The following BATF2 variants were observed in gnomAD, a reference collection of about 807,000 sequenced individuals.
BATF2 encodes the protein basic leucine zipper transcriptional factor ATF-like 2.
Under a neutral mutation model 7.3 loss-of-function variants are expected in BATF2, and 4 were observed. The observed-to-expected ratio is 0.55, with a 90% confidence interval of 0.27 to 1.26. BATF2 has a LOEUF of 1.26. BATF2 is among the 50% of genes most tolerant of loss of function. BATF2 has a pLI of 0.11. For missense variants in BATF2, 295 were observed against 340.5 expected (o/e 0.87, Z 1.05); for synonymous variants, 152 against 153.9 (o/e 0.99, Z 0.09).
chr11:64,996,046 C>A (rs1946107486), intron 1 of BATF2, among the ~76,000 whole-genome samples: 1 of 152,124 alleles, frequency 6.6e-6, no homozygotes, highest in Admixed American at 6.6e-5. Flanking sequence ...CGACCTCCGC[C>A]TCCCAGGTTC....
chr11:64,990,739 AAAG>A (rs1946069212), intron 2 of BATF2: 3 of 626,734 alleles, frequency 4.8e-6, no homozygotes, highest in Non-Finnish European at 6.0e-6. Flanking sequence ...GGACACTTTG[AAAG>A]AAGAAGTTGC....
Position 64,989,381 on chromosome 11 carries a change from C to T in BATF2, c.573G>A (p.Lys191=), listed in dbSNP as rs765650570. ...TGSSLQGSSS[K]LSALQPSLTA... is the part of the protein sequence containing the mutation. Reference sequence around the variant, plus strand: ...TGAGGCTGGGCTGGAGGGCACTGAGCTTAGAGGAAGACCCCTGCAGGCTGG... The same window carrying T: ...TGAGGCTGGGCTGGAGGGCACTGAGTTTAGAGGAAGACCCCTGCAGGCTGG... Residue 191 remains lysine (K), a synonymous_variant, in exon 3 of 3, where the codon AAG becomes AAA. Transcript: ENST00000301887. This position sits in a 1 kb window ranked among gnomAD's most constrained non-coding sequence, Gnocchi z 4.3. The T allele has an allele frequency of 3.8e-6, 6 of 1,578,452 alleles. No homozygotes were observed. Among genetic ancestry groups the T allele is most frequent in the Non-Finnish European group, 5.2e-6 (6 of 1,161,534 alleles).
intron 1 of BATF2, among the ~76,000 whole-genome samples, chr11:64,995,981 A>C (rs1590722119): frequency 6.7e-6 from 1 of 150,278 alleles, no homozygotes; most frequent in South Asian, 2.1e-4. Context: ...TATTTTATTG[A>C]GACAGAGTCT....
In BATF2 at chr11:64,989,952, C is replaced by G; in HGVS notation, c.142-140G>C. The G allele has an allele frequency of 6.9e-7, 1 of 1,446,434 alleles. No homozygotes were observed. Among genetic ancestry groups the G allele is most frequent in the Admixed American group, 2.0e-5 (1 of 50,244 alleles). The allele number at this position is 1,446,434 out of a possible 1,614,324, so 89.6% of individuals were successfully genotyped here. ...GAATAGCCAAGTGGGGTCTCTTGGC[C>G]ACTCTCTGGCCAGCCCTTCATAACC... On this transcript the variant is annotated intron_variant, in intron 2 of 2. Coordinates refer to ENST00000301887, the MANE Select transcript of BATF2 (RefSeq NM_138456.4). This position sits in a 1 kb window ranked among gnomAD's most constrained non-coding sequence, Gnocchi z 4.3.
intron 2 of BATF2, 79 bp downstream of exon 2, chr11:64,994,369 C>G: frequency 1.4e-6 from 2 of 1,397,914 alleles, no homozygotes; most frequent in Non-Finnish European, 2.0e-6. Flanking sequence ...GAGGTCTGCT[C>G]AAAGGTGGGA....
intron 2 of BATF2, 28 bp downstream of exon 2, chr11:64,994,420 A>C: frequency 6.4e-7 from 1 of 1,553,192 alleles, no homozygotes; most frequent in Non-Finnish European, 8.7e-7. Context: ...AGCCAGAGAC[A>C]AGGAAAGGGG....
At chr11:64,995,468 T>C (rs1946103715) in intron 1 of BATF2, among the ~76,000 whole-genome samples, 2 of 152,228 alleles carry the variant, frequency 1.3e-5, no homozygotes, top group South Asian at 4.1e-4. Context: ...GCAAACAAAA[T>C]ACACACAAAT....
chr11:64,989,641 C>T lies in BATF2; in HGVS notation c.313G>A (p.Gly105Arg). The change falls in exon 3 of 3, where the codon GGG (glycine) becomes AGG (arginine). Residue 105 changes from glycine to arginine, a missense_variant. By Grantham distance (125) the Gly-to-Arg change is moderately radical (BLOSUM62 -2). Transcript: ENST00000301887. The surrounding 1 kb of genome is among the most constrained non-coding windows in gnomAD (Gnocchi z 4.3). ...GLLGCWDQAE[G>R]LLGPGPQGQH... ...CCCTGTGGGCCAGGGCCCAGGAGCC[C>T]CTCAGCCTGGTCCCAGCAGCCCAGG... 1 of 1,612,790 alleles carries T rather than the reference C, an allele frequency of 6.2e-7. No homozygotes were observed. The highest frequency in any genetic ancestry group is 8.5e-7 in the Non-Finnish European group (1 of 1,179,586).
rs895210114 is a variant in BATF2, at chr11:64,989,944, C to T, written c.142-132G>A. The T allele has an allele frequency of 2.8e-6, 4 of 1,432,884 alleles. No individual in the cohort carries two copies. Among genetic ancestry groups the T allele is most frequent in the Non-Finnish European group, 3.8e-6 (4 of 1,043,490 alleles). The allele number at this position is 1,432,884 out of a possible 1,614,324, so 88.8% of individuals were successfully genotyped here. A position where few individuals can be genotyped will look rare whatever the true frequency, so the allele number is the denominator to read the frequency against. On this transcript the variant is annotated intron_variant, in intron 2 of 2. Coordinates refer to ENST00000301887, the MANE Select transcript of BATF2 (RefSeq NM_138456.4). This position sits in a 1 kb window ranked among gnomAD's most constrained non-coding sequence, Gnocchi z 4.3. ...CACCATTGGAATAGCCAAGTGGGGT[C>T]TCTTGGCCACTCTCTGGCCAGCCCT...
intron 2 of BATF2, chr11:64,990,051 C>A: frequency 6.5e-7 from 1 of 1,537,198 alleles, no homozygotes; most frequent in Non-Finnish European, 8.7e-7. Flanking sequence ...CCACTAGTGC[C>A]CTGAGCCGGT....
chr11:64,994,882 G>A (rs1249535007), intron 1 of BATF2, among the ~76,000 whole-genome samples: 1 of 152,002 alleles, frequency 6.6e-6, no homozygotes, highest in African/African-American at 2.4e-5. Flanking sequence ...GTCTCACTCT[G>A]TTGCCCAGGC....
At chr11:64,992,725 A>G (rs1946086212) in intron 2 of BATF2, among the ~76,000 whole-genome samples, 1 of 151,654 alleles carries the variant, frequency 6.6e-6, no homozygotes, top group African/African-American at 2.4e-5. Context: ...GCCAAGTGTG[A>G]TGGTGCATGC....
At chr11:64,992,308 C>T (rs115417220) in intron 2 of BATF2, among the ~76,000 whole-genome samples, 3,955 of 151,870 alleles carry the variant, frequency 0.026, 166 homozygotes, top group African/African-American at 0.09. Flanking sequence ...AACAAGTAAT[C>T]CACCCACCTC....
chr11:64,989,407 A>G lies in BATF2; in HGVS notation c.547T>C (p.Ser183Pro), dbSNP rs751729818. ...TTAGAGGAAGACCCCTGCAGGCTGGAACCAGTGTGCGAGGCAAACAGGAGA... is the reference window on the plus strand; with the variant it reads ...TTAGAGGAAGACCCCTGCAGGCTGGGACCAGTGTGCGAGGCAAACAGGAGA... ...SPLLFASHTG[S>P]SLQGSSSKLS... Residue 183 changes from serine to proline, a missense_variant, in exon 3 of 3, where the codon TCC becomes CCC. Ser to Pro is a moderately conservative substitution (Grantham distance 74, BLOSUM62 -1). Coordinates refer to ENST00000301887, the MANE Select transcript of BATF2 (RefSeq NM_138456.4). This position sits in a 1 kb window ranked among gnomAD's most constrained non-coding sequence, Gnocchi z 4.3. 8.2e-6 allele frequency: 13 copies of G among 1,593,336 alleles called. No homozygotes were observed. The South Asian group carries it at 1.5e-4, about 18-fold the overall frequency.
At chr11:64,994,659 G>A (rs1946098548) in intron 1 of BATF2, 110 bp from the exon 2 acceptor site, 1 of 1,061,150 alleles carries the variant, frequency 9.4e-7, no homozygotes, top group African/African-American at 1.6e-5. Flanking sequence ...AGTTCCCAAG[G>A]GTCTTTTATC....
rs538195989 is a variant in BATF2 at position 64,988,945 on chromosome 11, T to C, written c.*184A>G. On this transcript the variant is annotated 3_prime_UTR_variant, in exon 3 of 3. Transcript: ENST00000301887. ...GGTCAACTGTGAGGTTGAAATAAGA[T>C]ATTGGTGGTGACAGGGCCTGTCACA... The C allele has an allele frequency of 3.3e-6, 2 of 611,864 alleles. No individual in the cohort carries two copies. Among genetic ancestry groups the C allele is most frequent in the South Asian group, 2.0e-5 (1 of 49,082 alleles). 37.9% of individuals were successfully genotyped at this position (611,864 alleles called of 1,614,324 possible). A position where few individuals can be genotyped will look rare whatever the true frequency, so the allele number is the denominator to read the frequency against.
At position 64,996,943 on chromosome 11, in the gene BATF2, T is replaced by A; in HGVS notation, c.-29A>T. The A allele has an allele frequency of 1.3e-6, 2 of 1,563,680 alleles. No individual in the cohort carries two copies. Among genetic ancestry groups the A allele is most frequent in the Admixed American group, 1.8e-5 (1 of 54,400 alleles). On this transcript the variant is annotated 5_prime_UTR_variant, in exon 1 of 3. Transcript: ENST00000301887. ...TTAGGCGGGGGAGCAGAGTGGTCCC[T>A]CAGCAGCTGTGACTTCCCAGTGCCC...
rs1025285408 is a variant in BATF2, at chr11:64,989,936, A to G, written c.142-124T>C. On this transcript the variant is annotated intron_variant, in intron 2 of 2. Coordinates refer to ENST00000301887, the MANE Select transcript of BATF2 (RefSeq NM_138456.4). This position sits in a 1 kb window ranked among gnomAD's most constrained non-coding sequence, Gnocchi z 4.3. ...GATGCCACCACCATTGGAATAGCCA[A>G]GTGGGGTCTCTTGGCCACTCTCTGG... is the stretch of plus-strand genomic sequence containing the variant. 3 of 1,437,190 alleles carry G rather than the reference A, an allele frequency of 2.1e-6. No individual in the cohort carries two copies. Among genetic ancestry groups the G allele is most frequent in the Non-Finnish European group, 2.9e-6 (3 of 1,046,960 alleles). 89.0% of individuals were successfully genotyped at this position (1,437,190 alleles called of 1,614,324 possible).
In BATF2 at chr11:64,989,452, C is replaced by G. The variant is rs770724887; in HGVS notation, c.502G>C (p.Val168Leu). Reference sequence around the variant, plus strand: ...AGGAGAGGGCTGGGGGACAGCTGGACAGGAGGTTCAGCAACCACAGCGGGG... The same window carrying G: ...AGGAGAGGGCTGGGGGACAGCTGGAGAGGAGGTTCAGCAACCACAGCGGGG... The part of the protein sequence containing the change: ...LGPAVVAEPP[V>L]QLSPSPLLFA... The change falls in exon 3 of 3, where the codon GTC becomes CTC. Residue 168 changes from valine (V) to leucine (L), a missense_variant. Val to Leu is a conservative substitution (Grantham distance 32). Transcript: ENST00000301887. This position sits in a 1 kb window ranked among gnomAD's most constrained non-coding sequence, Gnocchi z 4.3. The G allele has an allele frequency of 3.7e-6, 6 of 1,610,438 alleles. No individual in the cohort carries two copies. The East Asian group carries it at 1.1e-4, about 30-fold the overall frequency.
Sources: allele counts gnomAD v4.1 joint callset (sites outside exome capture counted in the v4.1 genomes callset), GRCh38; gene constraint gnomAD v4.1.1; non-coding constraint Gnocchi (gnomAD v3.1); transcripts MANE v1.5; gene names NCBI Gene and HGNC (gene_info 2026-07-23, HGNC 2026-07-21).